The following ZBTB16 variants were observed in gnomAD, a reference collection of about 807,000 sequenced individuals.
ZBTB16 encodes zinc finger and BTB domain-containing protein 16.
ZBTB16 carries 8 observed loss-of-function variants against 56.8 expected under a neutral mutation model. The observed-to-expected ratio is 0.14, with a 90% CI of 0.08 to 0.25. The LOEUF (loss-of-function observed/expected upper bound fraction) is 0.25. Among genes scored for constraint, ZBTB16 ranks in the 10% least tolerant of loss-of-function variants. ZBTB16 has a pLI of 1.00. For synonymous variants in ZBTB16, 363 were observed against 368.5 expected, an observed-to-expected ratio of 0.98 and a Z score of 0.17; for missense variants, 625 against 903.0, an observed-to-expected ratio of 0.69 and a Z score of 3.95.
intron 3 of ZBTB16, among the ~76,000 whole-genome samples, chr11:114,178,002 CTGGG>C (rs921027800): frequency 7.0e-4 from 107 of 152,286 alleles, no homozygotes; most frequent in African/African-American, 2.4e-3. Context: ...TGGTTCCCTT[CTGGG>C]TAGGCAGTAG....
intron 2 of ZBTB16, among the ~76,000 whole-genome samples, chr11:114,083,791 GC>G (rs554355137): frequency 5.9e-5 from 9 of 151,376 alleles, no homozygotes; most frequent in African/African-American, 9.7e-5. Context: ...TCTTGATGCC[GC>G]CCCCCCGCCC....
chr11:114,149,556 G>T (rs1008270823), intron 2 of ZBTB16, among the ~76,000 whole-genome samples: 1 of 151,900 alleles, frequency 6.6e-6, no homozygotes, highest in Non-Finnish European at 1.5e-5. Flanking sequence ...GGCTTTTATT[G>T]GTATATTTAC....
intron 3 of ZBTB16, among the ~76,000 whole-genome samples, chr11:114,168,698 CT>C (rs767140102): frequency 2.6e-5 from 4 of 152,192 alleles, no homozygotes; most frequent in Admixed American, 6.5e-5. Flanking sequence ...TAGCCCTGGC[CT>C]CGTGCTGTTT....
intron 4 of ZBTB16, among the ~76,000 whole-genome samples, chr11:114,202,563 C>T (rs892844556): frequency 3.7e-4 from 57 of 152,230 alleles, no homozygotes; most frequent in African/African-American, 1.3e-3. Context: ...CCAACTGTAC[C>T]GTAAATAATG....
chr11:114,180,203 A>G (rs115113938), intron 3 of ZBTB16, among the ~76,000 whole-genome samples: 4,390 of 152,252 alleles, frequency 0.029, 110 homozygotes, highest in African/African-American at 0.065. Flanking sequence ...GAAGAGTAGG[A>G]GTCTGGAGAA....
intron 4 of ZBTB16, chr11:114,188,589 G>T (rs1245316278): frequency 6.6e-6 from 1 of 152,194 alleles, no homozygotes; most frequent in Admixed American, 6.5e-5. Context: ...ATAAATAGTA[G>T]TAGGTATATT....
intron 2 of ZBTB16, among the ~76,000 whole-genome samples, chr11:114,104,927 A>T (rs1421992319): frequency 6.6e-6 from 1 of 152,092 alleles, no homozygotes; most frequent in Non-Finnish European, 1.5e-5. Flanking sequence ...TCAGAAGGGG[A>T]GTGTGTCATT....
At chr11:114,241,919 C>G (rs183512883) in intron 4 of ZBTB16, among the ~76,000 whole-genome samples, 1 of 152,246 alleles carries the variant, frequency 6.6e-6, no homozygotes, top group East Asian at 1.9e-4. Flanking sequence ...CTTGCTGCTG[C>G]GATGTATTTG....
intron 4 of ZBTB16, among the ~76,000 whole-genome samples, chr11:114,196,025 A>G (rs1406892670): frequency 6.6e-6 from 1 of 152,194 alleles, no homozygotes; most frequent in African/African-American, 2.4e-5. Context: ...TTGAAGCTCC[A>G]CACTTTGAGC....
intron 4 of ZBTB16, among the ~76,000 whole-genome samples, chr11:114,235,215 G>C (rs1425536227): frequency 6.6e-6 from 1 of 152,122 alleles, no homozygotes; most frequent in Non-Finnish European, 1.5e-5. Context: ...GCCCCTCCGG[G>C]GTACATGTGC....
At chr11:114,126,737 C>T (rs1273417800) in intron 2 of ZBTB16, among the ~76,000 whole-genome samples, 1 of 152,074 alleles carries the variant, frequency 6.6e-6, no homozygotes, top group African/African-American at 2.4e-5. Flanking sequence ...CCCTGTGTGT[C>T]CTTGGCTGAA....
In ZBTB16 at chr11:114,156,248, G is replaced by C. The variant is rs1395297060; in HGVS notation, c.1269-89G>C. ...TCCCTTCCGCCTGTCACCTGCCAGAGGGATGGCTGCCAAGCCCCCAGGTAG... is the reference window on the plus strand; with the variant it reads ...TCCCTTCCGCCTGTCACCTGCCAGACGGATGGCTGCCAAGCCCCCAGGTAG... On this transcript the variant is annotated intron_variant, in intron 2 of 6. Transcript: ENST00000335953. 2.3e-6 allele frequency: 3 copies of C among 1,332,350 alleles called. No individual in the cohort carries two copies. In the African/African-American group the frequency reaches 4.3e-5, roughly 19 times the overall value. The allele number at this position is 1,332,350 out of a possible 1,614,324, so 82.5% of individuals were successfully genotyped here.
chr11:114,166,498 A>G (rs962978965), intron 3 of ZBTB16, among the ~76,000 whole-genome samples: 3 of 152,086 alleles, frequency 2.0e-5, no homozygotes, highest in African/African-American at 7.2e-5. Flanking sequence ...CAAGCATGGG[A>G]ACAAAAAGAG....
intron 2 of ZBTB16, among the ~76,000 whole-genome samples, chr11:114,113,705 T>G (rs1289941353): frequency 2.0e-5 from 3 of 152,190 alleles, no homozygotes; most frequent in Non-Finnish European, 4.4e-5. Flanking sequence ...TAAATGACCT[T>G]TCTTTGAAAT....
chr11:114,206,487 G>GC (rs1439272698), intron 4 of ZBTB16, among the ~76,000 whole-genome samples: 3 of 152,124 alleles, frequency 2.0e-5, no homozygotes, highest in Admixed American at 2.0e-4. Flanking sequence ...AGGAGATTCT[G>GC]CCCCCAGGCA....
chr11:114,157,101 C>G (rs543684530), intron 3 of ZBTB16, among the ~76,000 whole-genome samples: 23 of 152,112 alleles, frequency 1.5e-4, no homozygotes, highest in Non-Finnish European at 2.6e-4. Flanking sequence ...TAGTCTCTTC[C>G]CTTTAATTCC....
At position 114,247,338 on chromosome 11, in the gene ZBTB16, C is replaced by A; in HGVS notation, c.1765C>A (p.Leu589Met). ...CGKKFSLKHQ[L>M]ETHYRVHTGE... ...CAAGAAGTTCAGCCTCAAGCATCAG[C>A]TGGAGACGCACTATAGGGTGCACAC... The change falls in exon 6 of 7, where the codon CTG becomes ATG. Residue 589 changes from leucine to methionine, a missense_variant. Physicochemically the swap from Leu to Met is conservative, Grantham distance 15. Around this residue, in one of 6 missense-constraint regions of ZBTB16, gnomAD observed 7 missense variants for 25.1 expected, o/e 0.28. Coordinates refer to ENST00000335953, the MANE Select transcript of ZBTB16 (RefSeq NM_006006.6). 1 of 1,614,262 alleles carries A rather than the reference C, an allele frequency of 6.2e-7. No homozygotes were observed. The highest frequency in any genetic ancestry group is 8.5e-7 in the Non-Finnish European group (1 of 1,180,054).
In ZBTB16 at chr11:114,250,567, C is replaced by A. The variant is rs762709048; in HGVS notation, c.*12C>A. The A allele has an allele frequency of 6.2e-7, 1 of 1,613,198 alleles. No homozygotes were observed. The highest frequency in any genetic ancestry group is 2.2e-5 in the East Asian group (1 of 44,842). ...TGTGCTATGTGTGAAGGGAGGCCCG[C>A]GGCGGTGGAGCCGAGCGGGGAGCCA... On this transcript the variant is annotated 3_prime_UTR_variant, in exon 7 of 7. Transcript: ENST00000335953. The surrounding 1 kb of genome is among the most constrained non-coding windows in gnomAD (Gnocchi z 6.0).
chr11:114,208,743 A>G (rs2135124031), intron 4 of ZBTB16, among the ~76,000 whole-genome samples: 1 of 152,324 alleles, frequency 6.6e-6, no homozygotes, highest in South Asian at 2.1e-4. Context: ...CAAATGCTGT[A>G]CAAGAGCAAG....
Sources: allele counts gnomAD v4.1 joint callset (sites outside exome capture counted in the v4.1 genomes callset), GRCh38; gene constraint gnomAD v4.1.1; regional missense constraint gnomAD v4.1.1; non-coding constraint Gnocchi (gnomAD v3.1); transcripts MANE v1.5; gene names NCBI Gene and HGNC (gene_info 2026-07-23, HGNC 2026-07-21).